The following ZNF738 variants were observed in gnomAD, a reference collection of about 807,000 sequenced individuals.
ZNF738 encodes the protein zinc finger protein 738, also known as protein ZNF738.
ZNF738 carries 10 observed loss-of-function variants against 9.2 expected under a neutral mutation model. The observed-to-expected ratio is 1.09, with a 90% CI of 0.67 to 1.85. ZNF738 has a LOEUF of 1.85. Ranked by LOEUF, ZNF738 falls within the 40% of genes most tolerant of loss-of-function variation. The pLI is 0.00. For missense variants in ZNF738, 346 were observed against 283.6 expected, an observed-to-expected ratio of 1.22 and a Z score of -1.58; for synonymous variants, 113 against 94.5, an observed-to-expected ratio of 1.20 and a Z score of -1.14.
intron 4 of ZNF738, chr19:21,377,345 C>T: frequency 4.7e-6 from 3 of 640,386 alleles, no homozygotes; most frequent in Admixed American, 5.2e-5. Flanking sequence ...TTCAGTTCCT[C>T]TCTTCACTTA....
At chr19:21,359,196 G>C (rs199571370) in intron 1 of ZNF738, 53 bp downstream of exon 1, 11 of 1,038,644 alleles carry the variant, frequency 1.1e-5, no homozygotes, top group Non-Finnish European at 1.7e-5. Flanking sequence ...GGTTGGAACC[G>C]GTGGGAAGTG....
intron 2 of ZNF738, among the ~76,000 whole-genome samples, chr19:21,362,700 C>CA (rs1276754378): frequency 6.6e-6 from 1 of 152,066 alleles, no homozygotes; most frequent in Non-Finnish European, 1.5e-5. Flanking sequence ...ACGTGGGATT[C>CA]AAAAAAATTA....
intron 4 of ZNF738, among the ~76,000 whole-genome samples, chr19:21,380,024 G>T (rs1237915999): frequency 1.3e-5 from 2 of 152,266 alleles, no homozygotes; most frequent in East Asian, 3.9e-4. Flanking sequence ...AAGAAAATTT[G>T]ATGATAAAAA....
In ZNF738 at chr19:21,375,345, C is replaced by A. The variant is rs772800220; in HGVS notation, c.204C>A (p.Phe68Leu). ...DLYRKVMLEN[F>L]RNLVFLGIDV... The stretch of plus-strand genomic sequence containing the variant: ...ATAGGAAAGTGATGTTAGAGAACTT[C>A]AGAAACCTGGTGTTCTTGGGTGAGA... Residue 68 changes from phenylalanine (F) to leucine (L), a missense_variant, in exon 3 of 5, where the codon TTC (phenylalanine) becomes TTA (leucine). Coordinates refer to ENST00000683779, the MANE Select transcript of ZNF738 (RefSeq NM_001355237.2). The A allele has an allele frequency of 4.3e-6, 4 of 938,244 alleles. No homozygotes were observed. Among genetic ancestry groups the A allele is most frequent in the African/African-American group, 3.2e-5 (2 of 61,580 alleles). The allele number at this position is 938,244 out of a possible 1,614,324, so 58.1% of individuals were successfully genotyped here.
chr19:21,377,582 C>A, intron 4 of ZNF738: 1 of 481,714 alleles, frequency 2.1e-6, no homozygotes, highest in Non-Finnish European at 3.7e-6. Context: ...TGTTTAATGT[C>A]TTTCTTTGTC....
chr19:21,371,022 C>T (rs1451317264), intron 2 of ZNF738, among the ~76,000 whole-genome samples: 1 of 152,106 alleles, frequency 6.6e-6, no homozygotes, highest in Non-Finnish European at 1.5e-5. Flanking sequence ...GTGAGAGGCT[C>T]CTGGTGTAAA....
At chr19:21,375,794 T>G in intron 3 of ZNF738, 75 bp from the exon 4 acceptor site, 1 of 641,732 alleles carries the variant, frequency 1.6e-6, no homozygotes, top group Non-Finnish European at 2.9e-6. Flanking sequence ...TTACCTCCTC[T>G]TTACTAAGCA....
At position 21,359,066 on chromosome 19, in the gene ZNF738, C is replaced by T. The variant is rs185051468; in HGVS notation, c.-75C>T. ...CTCTGTGTCCTCTGCTCCTAGAGGCCCAGCCTCTGGTCCTGTGACCTGCAG... is the reference window on the plus strand; with the variant it reads ...CTCTGTGTCCTCTGCTCCTAGAGGCTCAGCCTCTGGTCCTGTGACCTGCAG... On this transcript the variant is annotated 5_prime_UTR_variant, in exon 1 of 5. Transcript: ENST00000683779. 3,504 of 903,264 alleles carry T rather than the reference C, an allele frequency of 3.9e-3. 9 individuals are homozygous for T. The highest frequency in any genetic ancestry group is 6.1e-3 in the Middle Eastern group (28 of 4,622). 56.0% of individuals were successfully genotyped at this position (903,264 alleles called of 1,614,324 possible).
At chr19:21,373,845 C>T (rs917808389) in intron 2 of ZNF738, among the ~76,000 whole-genome samples, 8 of 150,536 alleles carry the variant, frequency 5.3e-5, no homozygotes, top group Admixed American at 1.3e-4. Context: ...TCCTGGAGTG[C>T]GATGCATTTA....
intron 2 of ZNF738, among the ~76,000 whole-genome samples, chr19:21,363,887 A>C (rs1026606195): frequency 1.4e-3 from 34 of 23,872 alleles, no homozygotes; most frequent in African/African-American, 0.012. Context: ...ACTCCATTTA[A>C]AAAAAAAAAA....
chr19:21,378,264 T>C, intron 4 of ZNF738: 1 of 317,182 alleles, frequency 3.2e-6, no homozygotes, highest in Non-Finnish European at 5.7e-6. Context: ...ATTATGATAA[T>C]GCTAAGAAAT....
At chr19:21,381,272 T>C in intron 4 of ZNF738, 1 of 1,591,624 alleles carries the variant, frequency 6.3e-7, no homozygotes, top group Non-Finnish European at 8.6e-7. Flanking sequence ...GTTTGGGTTA[T>C]TGAACACAAA....
At chr19:21,364,912 A>ATTT (rs71176864) in intron 2 of ZNF738, among the ~76,000 whole-genome samples, 12,258 of 98,678 alleles carry the variant, frequency 0.12, 1,493 homozygotes, top group Non-Finnish European at 0.17. Context: ...TACCCAGCTA[A>ATTT]TTTTTTTTTT....
Position 21,383,603 on chromosome 19 carries a change from T to G in ZNF738, c.1057T>G (p.Phe353Val), listed in dbSNP as rs1974033079. The G allele has an allele frequency of 1.0e-6, 1 of 1,004,696 alleles. No homozygotes were observed. Among genetic ancestry groups the G allele is most frequent in the Non-Finnish European group, 1.6e-6 (1 of 641,466 alleles). 62.2% of individuals were successfully genotyped at this position (1,004,696 alleles called of 1,614,324 possible). ...CAAATGTGAGGAATGTGGCAAAGCT[T>G]TTAATTGGTACTCACACCTTACCAG... ...PYKCEECGKA[F>V]NWYSHLTRHK... Residue 353 changes from phenylalanine to valine, a missense_variant, in exon 5 of 5, where the codon TTT becomes GTT. Physicochemically the swap from Phe to Val is conservative, Grantham distance 50 (BLOSUM62 -1). Transcript: ENST00000683779.
intron 2 of ZNF738, among the ~76,000 whole-genome samples, chr19:21,367,763 C>A (rs1327511829): frequency 1.3e-5 from 2 of 152,136 alleles, no homozygotes; most frequent in East Asian, 3.9e-4. Flanking sequence ...AGGATTCCCA[C>A]CCACTCACAA....
At chr19:21,381,412 A>G in intron 4 of ZNF738, 3 of 1,514,856 alleles carry the variant, frequency 2.0e-6, no homozygotes, top group Non-Finnish European at 1.8e-6. Flanking sequence ...TTGTCTTTGT[A>G]TATTCTAGAG....
intron 4 of ZNF738, chr19:21,377,288 C>T: frequency 1.9e-6 from 1 of 525,496 alleles, no homozygotes; most frequent in South Asian, 2.4e-5. Context: ...GCCTGGGTAA[C>T]AAGAGCAAAC....
At chr19:21,361,595 G>A (rs1973693313) in intron 1 of ZNF738, among the ~76,000 whole-genome samples, 171 bp from the exon 2 acceptor site, 1 of 152,040 alleles carries the variant, frequency 6.6e-6, no homozygotes, top group South Asian at 2.1e-4. Context: ...ATTTTTTTGG[G>A]TCAGAGTTCT....
intron 2 of ZNF738, among the ~76,000 whole-genome samples, chr19:21,367,966 C>T (rs972381649): frequency 5.3e-5 from 8 of 152,212 alleles, no homozygotes; most frequent in Non-Finnish European, 8.8e-5. Context: ...CATTATGGAG[C>T]ACCTGTTCAT....
Sources: gnomAD v4.1 joint callset for allele counts (sites outside exome capture counted in the v4.1 genomes callset) on GRCh38, gnomAD v4.1.1 for gene constraint, MANE v1.5 for transcripts, NCBI Gene and HGNC (gene_info 2026-07-23, HGNC 2026-07-21) for gene names.